Variants in HDAC9 observed in about 807,000 individuals in gnomAD.
HDAC9 encodes MEF-2 interacting transcription repressor (MITR) protein.
A neutral mutation model predicts 139.4 loss-of-function variants in HDAC9; 41 were observed. The observed-to-expected ratio is 0.29, with a 90% CI of 0.23 to 0.38. HDAC9 has a LOEUF of 0.38. HDAC9 is among the 10% of genes least tolerant of loss of function. The probability of loss-of-function intolerance (pLI) is 1.00; values close to 1 mark genes in which losing one functional copy is unlikely to be tolerated. For synonymous variants in HDAC9, 517 were observed against 476.2 expected (o/e 1.09, Z -1.12); for missense variants, 1,147 against 1,297.0 (o/e 0.88, Z 1.78).
At chr7:18,481,427 CCTTA>C (rs1451163859) in intron 1 of HDAC9, among the ~76,000 whole-genome samples, 3 of 152,096 alleles carry the variant, frequency 2.0e-5, no homozygotes, top group Admixed American at 1.3e-4. Context: ...AAATAATGGA[CCTTA>C]CTTACTTAGA....
At chr7:18,776,146 T>C (rs1452215387) in intron 16 of HDAC9, among the ~76,000 whole-genome samples, 1 of 152,040 alleles carries the variant, frequency 6.6e-6, no homozygotes, top group African/African-American at 2.4e-5. Flanking sequence ...TCTCACTACG[T>C]TGCTCTGGCT....
chr7:18,141,677 G>T (rs1268447100), intron 1 of HDAC9, among the ~76,000 whole-genome samples: 1 of 152,080 alleles, frequency 6.6e-6, no homozygotes, highest in Non-Finnish European at 1.5e-5. Flanking sequence ...GGACACGGGT[G>T]GGATTGGAGC....
chr7:18,100,302 C>T (rs1782764807), intron 1 of HDAC9, among the ~76,000 whole-genome samples: 1 of 151,706 alleles, frequency 6.6e-6, no homozygotes, highest in Non-Finnish European at 1.5e-5. Context: ...GTTTCTTGTG[C>T]TTTGGGTTCA....
chr7:18,717,979 A>G (rs140522448), intron 12 of HDAC9, among the ~76,000 whole-genome samples: 1,972 of 152,288 alleles, frequency 0.013, 51 homozygotes, highest in African/African-American at 0.045. Flanking sequence ...TAATATATTC[A>G]TATATGCTAT....
intron 11 of HDAC9, among the ~76,000 whole-genome samples, chr7:18,657,234 T>C (rs1791526902): frequency 6.6e-6 from 1 of 152,182 alleles, no homozygotes; most frequent in Admixed American, 6.6e-5. Context: ...GGTTTTAGCT[T>C]CATTTTGCTG....
intron 25 of HDAC9, among the ~76,000 whole-genome samples, chr7:18,984,259 C>T (rs562212751): frequency 2.6e-4 from 39 of 151,784 alleles, no homozygotes; most frequent in Admixed American, 5.3e-4. Flanking sequence ...TAGTAAAAGA[C>T]GAGCAAAAGT....
intron 2 of HDAC9, among the ~76,000 whole-genome samples, chr7:18,173,890 T>G (rs939207450): frequency 2.6e-5 from 4 of 152,218 alleles, no homozygotes; most frequent in African/African-American, 4.8e-5. Context: ...TTTCCTTCGT[T>G]TCAACCTTGG....
intron 11 of HDAC9, among the ~76,000 whole-genome samples, chr7:18,664,192 C>G (rs1794097576): frequency 6.6e-6 from 1 of 152,064 alleles, no homozygotes; most frequent in Non-Finnish European, 1.5e-5. Flanking sequence ...GACAAAAGTC[C>G]TGCAAATAGT....
intron 2 of HDAC9, among the ~76,000 whole-genome samples, chr7:18,552,104 A>G (rs1252050640): frequency 6.6e-6 from 1 of 152,200 alleles, no homozygotes; most frequent in Non-Finnish European, 1.5e-5. Flanking sequence ...AAAATTATAC[A>G]GGAATTCATT....
At chr7:18,392,876 C>G (rs1585583270) in intron 1 of HDAC9, among the ~76,000 whole-genome samples, 1 of 115,830 alleles carries the variant, frequency 8.6e-6, no homozygotes, top group Non-Finnish European at 1.6e-5. Flanking sequence ...TCAGAGTTAA[C>G]AGTTCACTAA....
intron 2 of HDAC9, among the ~76,000 whole-genome samples, chr7:18,512,210 C>G (rs1429454800): frequency 2.0e-5 from 3 of 152,020 alleles, no homozygotes; most frequent in African/African-American, 7.2e-5. Flanking sequence ...TCTTTAATGT[C>G]AGGAATTGTC....
chr7:18,526,146 G>A (rs1466831176), intron 2 of HDAC9, among the ~76,000 whole-genome samples: 1 of 152,118 alleles, frequency 6.6e-6, no homozygotes, highest in Non-Finnish European at 1.5e-5. Context: ...TAATAAGTCT[G>A]CATAATGGAT....
intron 2 of HDAC9, among the ~76,000 whole-genome samples, chr7:18,201,242 C>A (rs1297817504): frequency 1.3e-5 from 2 of 152,068 alleles, no homozygotes; most frequent in Non-Finnish European, 2.9e-5. Context: ...ATGTAGCTCC[C>A]CATATGTTAT....
chr7:18,872,283 C>A (rs943321634), intron 21 of HDAC9, among the ~76,000 whole-genome samples: 2 of 151,926 alleles, frequency 1.3e-5, no homozygotes, highest in Admixed American at 1.3e-4. Flanking sequence ...ATTTGAAAAC[C>A]CACAGGAAAT....
At chr7:18,196,865 A>T (rs778486943) in intron 2 of HDAC9, among the ~76,000 whole-genome samples, 14 of 152,162 alleles carry the variant, frequency 9.2e-5, no homozygotes, top group Non-Finnish European at 1.8e-4. Flanking sequence ...ATAGTGTGAT[A>T]GTTAATTTCT....
At chr7:18,681,315 T>A (rs920056759) in intron 12 of HDAC9, among the ~76,000 whole-genome samples, 1 of 152,038 alleles carries the variant, frequency 6.6e-6, no homozygotes, top group African/African-American at 2.4e-5. Flanking sequence ...GATTAATACA[T>A]TTAGGCACCT....
At chr7:18,404,049 A>G (rs1787784653) in intron 1 of HDAC9, among the ~76,000 whole-genome samples, 2 of 152,190 alleles carry the variant, frequency 1.3e-5, no homozygotes, top group Non-Finnish European at 2.9e-5. Flanking sequence ...TGTTGGAGAA[A>G]CTGACAGGCC....
At chr7:18,486,716 A>G (rs1022544985) in intron 1 of HDAC9, among the ~76,000 whole-genome samples, 5 of 152,166 alleles carry the variant, frequency 3.3e-5, no homozygotes, top group Non-Finnish European at 5.9e-5. Flanking sequence ...AAAGCATAAT[A>G]TAATTTATAA....
intron 16 of HDAC9, among the ~76,000 whole-genome samples, chr7:18,783,646 C>T (rs1020032140): frequency 1.4e-5 from 2 of 147,476 alleles, no homozygotes; most frequent in African/African-American, 5.0e-5. Context: ...ATCAACTCAA[C>T]TAGTTCTGCT....
Sources: gnomAD v4.1 joint callset for allele counts (sites outside exome capture counted in the v4.1 genomes callset) on GRCh38, gnomAD v4.1.1 for gene constraint, MANE v1.5 for transcripts, NCBI Gene and HGNC (gene_info 2026-07-23, HGNC 2026-07-21) for gene names.